Variants in TRPC6 observed in about 807,000 individuals in gnomAD.
The protein encoded by TRPC6 is transient receptor potential cation channel subfamily C member 6, also known as short transient receptor potential channel 6.
A neutral mutation model predicts 90.7 loss-of-function variants in TRPC6; 55 were observed. The ratio of observed to expected loss-of-function variants is 0.61; its 90% confidence interval spans 0.49 to 0.76. The LOEUF (loss-of-function observed/expected upper bound fraction) is 0.76, where lower values mean the gene tolerates loss of function less well. Ranked by LOEUF, TRPC6 falls within the 30% of genes least tolerant of loss-of-function variation. The pLI, the probability that TRPC6 is intolerant of heterozygous loss-of-function variation, is 0.00. For synonymous variants in TRPC6, 393 were observed against 393.0 expected (o/e 1.00, Z 0.00); for missense variants, 989 against 1,122.7 (o/e 0.88, Z 1.70).
chr11:101,462,440 G>A (rs543877092), intron 10 of TRPC6, among the ~76,000 whole-genome samples: 1 of 152,218 alleles, frequency 6.6e-6, no homozygotes, highest in South Asian at 2.1e-4. Context: ...TCCTATCCAT[G>A]AGCGTGGAAC....
intron 2 of TRPC6, among the ~76,000 whole-genome samples, chr11:101,501,622 C>A (rs1860128118): frequency 1.3e-5 from 2 of 152,074 alleles, no homozygotes; most frequent in Admixed American, 6.5e-5. Flanking sequence ...AAGGGAGGCT[C>A]ACCCTTGTAT....
rs142023905 is a variant in TRPC6 at position 101,505,664 on chromosome 11, G to A, written c.171-866C>T. ...AGGTAGGAAAAAACACTTCTATGGT[G>A]CAGGCAGTGGTCAGAGCAGTGGCCA... On this transcript the variant is annotated intron_variant, in intron 1 of 12. Coordinates refer to ENST00000344327, the MANE Select transcript of TRPC6 (RefSeq NM_004621.6). Among the ~76,000 whole-genome samples, 319 of 152,278 alleles carry A rather than the reference G, an allele frequency of 2.1e-3. 1 individual carries two copies. The highest frequency in any genetic ancestry group is 3.4e-3 in the Non-Finnish European group (230 of 68,012).
chr11:101,552,497 A>T (rs1361475859), intron 1 of TRPC6, among the ~76,000 whole-genome samples: 1 of 152,116 alleles, frequency 6.6e-6, no homozygotes, highest in Non-Finnish European at 1.5e-5. Context: ...TAGTCAATCC[A>T]TTCTGACACA....
chr11:101,553,932 T>C (rs1861505426), intron 1 of TRPC6, among the ~76,000 whole-genome samples: 1 of 152,068 alleles, frequency 6.6e-6, no homozygotes, highest in African/African-American at 2.4e-5. Context: ...TAGATGCCGT[T>C]GTAAGTGTTC....
chr11:101,454,529 A>C (rs1469884175), intron 11 of TRPC6, among the ~76,000 whole-genome samples: 1 of 151,956 alleles, frequency 6.6e-6, no homozygotes, highest in African/African-American at 2.4e-5. Flanking sequence ...ATTAATAGGA[A>C]TATATATTTT....
intron 1 of TRPC6, among the ~76,000 whole-genome samples, chr11:101,519,618 A>G (rs1294700637): frequency 6.6e-6 from 1 of 152,062 alleles, no homozygotes; most frequent in Non-Finnish European, 1.5e-5. Context: ...CTCAGAAAAA[A>G]AAATCATGGT....
At chr11:101,529,150 A>G (rs1049519714) in intron 1 of TRPC6, among the ~76,000 whole-genome samples, 1 of 152,222 alleles carries the variant, frequency 6.6e-6, no homozygotes, top group African/African-American at 2.4e-5. Context: ...TCACAGATCA[A>G]ACAGTTCAGA....
intron 1 of TRPC6, among the ~76,000 whole-genome samples, chr11:101,574,431 A>C (rs938204681): frequency 2.0e-5 from 3 of 151,442 alleles, no homozygotes; most frequent in Non-Finnish European, 4.4e-5. Flanking sequence ...AAAGATACAT[A>C]AAATGTCAGA....
chr11:101,546,050 C>CTTTTTTTT (rs1166182552), intron 1 of TRPC6, among the ~76,000 whole-genome samples: 580 of 29,738 alleles, frequency 0.02, 175 homozygotes, highest in Non-Finnish European at 0.029. Context: ...ATTTATAACT[C>CTTTTTTTT]TTTTTTTTTT....
chr11:101,524,131 T>G (rs1313015169), intron 1 of TRPC6, among the ~76,000 whole-genome samples: 1 of 152,258 alleles, frequency 6.6e-6, no homozygotes, highest in Non-Finnish European at 1.5e-5. Context: ...TTCATTTTAC[T>G]TTTTGTATTC....
chr11:101,527,555 T>G (rs1860807036), intron 1 of TRPC6, among the ~76,000 whole-genome samples: 1 of 152,110 alleles, frequency 6.6e-6, no homozygotes, highest in African/African-American at 2.4e-5. Flanking sequence ...TGTGTGTGGT[T>G]GGGGGGTGGT....
At chr11:101,458,176 A>G (rs984258527) in intron 10 of TRPC6, among the ~76,000 whole-genome samples, 1 of 152,206 alleles carries the variant, frequency 6.6e-6, no homozygotes, top group Non-Finnish European at 1.5e-5. Context: ...TCTACTGAAC[A>G]CATATTGCTT....
intron 4 of TRPC6, 136 bp from the exon 5 acceptor site, chr11:101,483,301 G>C (rs11826302): frequency 1.8e-6 from 2 of 1,096,958 alleles, no homozygotes; most frequent in Non-Finnish European, 1.3e-6. Flanking sequence ...TATGTAATTC[G>C]TGATAGAGTA....
chr11:101,528,342 GT>G (rs1226795019), intron 1 of TRPC6, among the ~76,000 whole-genome samples: 1 of 152,132 alleles, frequency 6.6e-6, no homozygotes, highest in African/African-American at 2.4e-5. Context: ...TACGGGAAGA[GT>G]TTTCAATCAG....
Position 101,472,278 on chromosome 11 carries a change from C to T in TRPC6, c.2064G>A (p.Val688=), listed in dbSNP as rs1387619576. ...GGTTATAGTTGATGACCACTGATTTCACTTCAGAAAGTCCAAATATAGCCC... is the reference window on the plus strand; with the variant it reads ...GGTTATAGTTGATGACCACTGATTTTACTTCAGAAAGTCCAAATATAGCCC... The part of the protein sequence containing the change: ...LFWAIFGLSE[V]KSVVINYNHK... The change falls in exon 8 of 13, where the codon GTG becomes GTA. Residue 688 remains valine (V), a synonymous_variant. Transcript: ENST00000344327. 1 of 1,613,234 alleles carries T rather than the reference C, an allele frequency of 6.2e-7. No homozygotes were observed. Among genetic ancestry groups the T allele is most frequent in the Non-Finnish European group, 8.5e-7 (1 of 1,179,520 alleles).
chr11:101,475,677 CTTTGAG>C (rs1177773255), intron 6 of TRPC6, among the ~76,000 whole-genome samples: 1 of 151,850 alleles, frequency 6.6e-6, no homozygotes, highest in Non-Finnish European at 1.5e-5. Flanking sequence ...CCTTCTACTT[CTTTGAG>C]TTTGACTTTT....
In TRPC6 at chr11:101,524,733, CATAGACTTCATTTAAGAAAA is replaced by C. The variant is rs1860738845; in HGVS notation, c.171-19955_171-19936del. ...TGATATGTTTGTATACAATATGATA[CATAGACTTCATTTAAGAAAA>C]ATAGACAGCAAAATTTGATGCAGTG... On this transcript the variant is annotated intron_variant, in intron 1 of 12. Coordinates refer to ENST00000344327, the MANE Select transcript of TRPC6 (RefSeq NM_004621.6). Among the ~76,000 whole-genome samples, 8 of 152,242 alleles carry C rather than the reference CATAGACTTCATTTAAGAAAA, an allele frequency of 5.3e-5. 1 individual carries two copies. In the South Asian group the frequency reaches 1.7e-3, roughly 32 times the overall value.
chr11:101,494,047 C>G (rs1168565717), intron 2 of TRPC6, among the ~76,000 whole-genome samples: 1 of 152,146 alleles, frequency 6.6e-6, no homozygotes, highest in Non-Finnish European at 1.5e-5. Flanking sequence ...ATGGCTCAAA[C>G]TACTTATAAA....
chr11:101,535,235 A>AAGG lies in TRPC6; in HGVS notation c.171-30438_171-30437insCCT, dbSNP rs1565233289. Among the ~76,000 whole-genome samples the AAGG allele has an allele frequency of 1.9e-3, 161 of 86,260 alleles. 1 individual carries two copies. Among genetic ancestry groups the AAGG allele is most frequent in the African/African-American group, 4.7e-3 (144 of 30,378 alleles). The allele number at this position is 86,260 out of a possible 152,430, so 56.6% of individuals were successfully genotyped here. On this transcript the variant is annotated intron_variant, in intron 1 of 12. Coordinates refer to ENST00000344327, the MANE Select transcript of TRPC6 (RefSeq NM_004621.6). ...GGAAGGAAGGAAGGAAGGAAGGAAG[A>AAGG]AAACACAAAGCATTTGAGGAGACAA... is the stretch of plus-strand genomic sequence containing the variant.
Sources: allele counts gnomAD v4.1 joint callset (sites outside exome capture counted in the v4.1 genomes callset), GRCh38; gene constraint gnomAD v4.1.1; transcripts MANE v1.5; gene names NCBI Gene and HGNC (gene_info 2026-07-23, HGNC 2026-07-21).